Variants in FRAS1 observed in about 807,000 individuals in gnomAD.
FRAS1 encodes the protein extracellular matrix organizing protein FRAS1.
A neutral mutation model predicts 435.2 loss-of-function variants in FRAS1; 290 were observed. The observed-to-expected ratio is 0.67, with a 90% confidence interval of 0.61 to 0.73. FRAS1 has a LOEUF of 0.73. Ranked by LOEUF, FRAS1 falls within the 30% of genes least tolerant of loss-of-function variation. The pLI is 0.00. For synonymous variants in FRAS1, 1,800 were observed against 1,851.0 expected, an observed-to-expected ratio of 0.97 and a Z score of 0.71; for missense variants, 4,860 against 5,001.5, an observed-to-expected ratio of 0.97 and a Z score of 0.85.
At chr4:78,464,632 C>G in intron 49 of FRAS1, 49 bp downstream of exon 49, 1 of 1,598,860 alleles carries the variant, frequency 6.3e-7, no homozygotes, top group East Asian at 2.2e-5. Flanking sequence ...AGAGGCTGAC[C>G]TGGTGGCAGC....
chr4:78,510,818 G>A (rs756729439), intron 63 of FRAS1, among the ~76,000 whole-genome samples: 5 of 152,142 alleles, frequency 3.3e-5, no homozygotes, highest in Non-Finnish European at 7.3e-5. Flanking sequence ...TGGGATGATC[G>A]AGGGAGGATA....
At chr4:78,251,432 C>T (rs140242067) in intron 4 of FRAS1, among the ~76,000 whole-genome samples, 128 of 152,274 alleles carry the variant, frequency 8.4e-4, no homozygotes, top group African/African-American at 2.8e-3. Context: ...GTGTACAACA[C>T]GGTTGGATAT....
chr4:78,225,656 A>C (rs1429886314), intron 2 of FRAS1, among the ~76,000 whole-genome samples: 3 of 152,178 alleles, frequency 2.0e-5, no homozygotes, highest in Non-Finnish European at 4.4e-5. Context: ...TATATCTTCC[A>C]CATTGCTTAC....
intron 50 of FRAS1, among the ~76,000 whole-genome samples, 190 bp downstream of exon 50, chr4:78,466,625 ATAGTTGGTTTAAGGAT>A (rs1356709932): frequency 6.6e-6 from 1 of 152,212 alleles, no homozygotes; most frequent in Non-Finnish European, 1.5e-5. Context: ...TCTGCTTCAA[ATAGTTGGTTTAAGGAT>A]CCAAGGAGGT....
chr4:78,421,840 G>A (rs746906067), intron 33 of FRAS1, 23 bp from the exon 34 acceptor site: 1 of 1,613,192 alleles, frequency 6.2e-7, no homozygotes, highest in Non-Finnish European at 8.5e-7. Flanking sequence ...TGTTGATGCT[G>A]AGGCCAAATC....
intron 2 of FRAS1, among the ~76,000 whole-genome samples, chr4:78,209,246 C>T (rs1723400596): frequency 6.6e-6 from 1 of 152,106 alleles, no homozygotes; most frequent in African/African-American, 2.4e-5. Context: ...TTTTTATACC[C>T]ATTATATATG....
Position 78,537,003 on chromosome 4 carries a change from C to T in FRAS1, c.11101C>T (p.Leu3701Phe). ...CCTTTCAATCTTTTCAGGTCAAATC[C>T]TTTATGGCCGAGTACTTTGGAATCC... is the stretch of plus-strand genomic sequence containing the variant. The part of the protein sequence containing the change: ...YKGAFSKGQI[L>F]YGRVLWNPEQ... Residue 3701 changes from leucine to phenylalanine, a missense_variant, in exon 72 of 74, where the codon CTT becomes TTT. Coordinates refer to ENST00000512123, the MANE Select transcript of FRAS1 (RefSeq NM_025074.7). The T allele has an allele frequency of 1.2e-6, 2 of 1,613,718 alleles. No individual in the cohort carries two copies. Among genetic ancestry groups the T allele is most frequent in the Non-Finnish European group, 8.5e-7 (1 of 1,179,718 alleles).
At chr4:78,444,316 C>G (rs765931532) in intron 41 of FRAS1, 2 of 235,676 alleles carry the variant, frequency 8.5e-6, no homozygotes, top group Non-Finnish European at 1.7e-5. Flanking sequence ...CCGCTTAGAC[C>G]TCTCTCAGCT....
intron 70 of FRAS1, among the ~76,000 whole-genome samples, chr4:78,530,232 C>G (rs1030192420): frequency 6.6e-6 from 1 of 151,814 alleles, no homozygotes; most frequent in African/African-American, 2.4e-5. Context: ...AGAGGAACGA[C>G]GGTTTGAAAC....
At chr4:78,373,190 T>A (rs570718875) in intron 24 of FRAS1, among the ~76,000 whole-genome samples, 22 of 152,126 alleles carry the variant, frequency 1.4e-4, no homozygotes, top group Non-Finnish European at 3.1e-4. Context: ...CCCTGGGCAT[T>A]TGGGCACATA....
At position 78,543,992 on chromosome 4, in the gene FRAS1, CT is replaced by C. The variant is rs1722134500; in HGVS notation, c.*2869del. 1 of 152,634 alleles carries C rather than the reference CT, an allele frequency of 6.6e-6. No homozygotes were observed. Among genetic ancestry groups the C allele is most frequent in the South Asian group, 2.1e-4 (1 of 4,824 alleles). The allele number at this position is 152,634 out of a possible 1,614,324, so 9.5% of individuals were successfully genotyped here. On this transcript the variant is annotated 3_prime_UTR_variant, in exon 74 of 74. Coordinates refer to ENST00000512123, the MANE Select transcript of FRAS1 (RefSeq NM_025074.7). The stretch of plus-strand genomic sequence containing the variant: ...ATTGTACCCCAGGCCTCCTAGAGGA[CT>C]CCTGCAGATTCTATTGTTGGGTGGG...
intron 22 of FRAS1, 131 bp from the exon 23 acceptor site, chr4:78,369,707 A>G (rs1341908316): frequency 1.6e-6 from 1 of 627,666 alleles, no homozygotes; most frequent in Non-Finnish European, 2.5e-6. Context: ...GGGGAGGGCT[A>G]TGAGCCATAA....
chr4:78,124,411 C>T (rs1719218496), intron 2 of FRAS1, among the ~76,000 whole-genome samples: 1 of 152,130 alleles, frequency 6.6e-6, no homozygotes, highest in Admixed American at 6.5e-5. Context: ...CGATGTTCAT[C>T]AGGGATATTG....
At chr4:78,483,164 T>G (rs568676937) in intron 58 of FRAS1, among the ~76,000 whole-genome samples, 2 of 152,182 alleles carry the variant, frequency 1.3e-5, no homozygotes, top group African/African-American at 2.4e-5. Context: ...TGATCCAGCC[T>G]AAGGACTCTA....
At chr4:78,536,690 A>G (rs1256235669) in intron 71 of FRAS1, among the ~76,000 whole-genome samples, 1 of 152,194 alleles carries the variant, frequency 6.6e-6, no homozygotes, top group Non-Finnish European at 1.5e-5. Context: ...ACTGCATCTC[A>G]CACACCTTGG....
intron 30 of FRAS1, among the ~76,000 whole-genome samples, chr4:78,403,261 C>A (rs930709780): frequency 6.6e-6 from 1 of 152,030 alleles, no homozygotes; most frequent in African/African-American, 2.4e-5. Flanking sequence ...AACAAAACAA[C>A]GCTGAATTAA....
Position 78,542,324 on chromosome 4 carries a change from ATAATT to A in FRAS1, c.*1203_*1207del, listed in dbSNP as rs1722083664. 6.6e-6 allele frequency: 1 copy of A among 152,226 alleles called. No individual in the cohort carries two copies. The highest frequency in any genetic ancestry group is 6.5e-5 in the Admixed American group (1 of 15,286). 9.4% of individuals were successfully genotyped at this position (152,226 alleles called of 1,614,324 possible). A position where few individuals can be genotyped will look rare whatever the true frequency, so the allele number is the denominator to read the frequency against. ...AAGGCCATGAACACATGGCTCTAAA[ATAATT>A]TAGTGTTCAAGTATCAGCTTAACTA... On this transcript the variant is annotated 3_prime_UTR_variant, in exon 74 of 74. Coordinates refer to ENST00000512123, the MANE Select transcript of FRAS1 (RefSeq NM_025074.7).
intron 2 of FRAS1, among the ~76,000 whole-genome samples, chr4:78,102,872 A>C (rs548409053): frequency 5.9e-5 from 9 of 152,174 alleles, no homozygotes; most frequent in Non-Finnish European, 8.8e-5. Flanking sequence ...CCAAATGAAA[A>C]CACCTCTAGA....
Position 78,482,293 on chromosome 4 carries a change from CCAAAGACAGG to C in FRAS1, c.8605-91_8605-82del, listed in dbSNP as rs1183782434. On this transcript the variant is annotated intron_variant, in intron 57 of 73. Coordinates refer to ENST00000512123, the MANE Select transcript of FRAS1 (RefSeq NM_025074.7). ...ATTAGAAAATCTTACTTTAAAACCA[CCAAAGACAGG>C]CAAGTTGTGACCTTTGCCCTAGTCA... The C allele has an allele frequency of 3.6e-6, 5 of 1,401,884 alleles. No individual in the cohort carries two copies. In the African/African-American group the frequency reaches 8.5e-5, roughly 24 times the overall value. The allele number at this position is 1,401,884 out of a possible 1,614,324, so 86.8% of individuals were successfully genotyped here. A position where few individuals can be genotyped will look rare whatever the true frequency, so the allele number is the denominator to read the frequency against.
Sources: gnomAD v4.1 joint callset for allele counts (sites outside exome capture counted in the v4.1 genomes callset) on GRCh38, gnomAD v4.1.1 for gene constraint, MANE v1.5 for transcripts, NCBI Gene and HGNC (gene_info 2026-07-23, HGNC 2026-07-21) for gene names.